Variants in CYB5R4 observed in about 807,000 individuals in gnomAD.
CYB5R4 encodes N-terminal cytochrome b5 and cytochrome b5 oxidoreductase domain-containing protein.
CYB5R4 carries 55 observed loss-of-function variants against 70.2 expected under a neutral mutation model. That is an observed-to-expected ratio of 0.78 (90% CI 0.63 to 0.98). The LOEUF (loss-of-function observed/expected upper bound fraction) is 0.98, where lower values mean the gene tolerates loss of function less well. Among genes scored for constraint, CYB5R4 ranks in the 50% least tolerant of loss-of-function variants. The probability of loss-of-function intolerance (pLI) is 0.00; values close to 1 mark genes in which losing one functional copy is unlikely to be tolerated. For missense variants in CYB5R4, 562 were observed against 612.6 expected, an observed-to-expected ratio of 0.92 and a Z score of 0.87; for synonymous variants, 197 against 199.5, an observed-to-expected ratio of 0.99 and a Z score of 0.11.
At chr6:83,898,813 T>C (rs1054935190) in intron 3 of CYB5R4, among the ~76,000 whole-genome samples, 30 of 152,182 alleles carry the variant, frequency 2.0e-4, no homozygotes, top group African/African-American at 6.8e-4. Flanking sequence ...CACATTGATT[T>C]TGTATCCTGA....
rs1337732440 is a variant in CYB5R4, at chr6:83,859,798, T to C, written c.16T>C (p.Ser6Pro). 4 of 1,613,384 alleles carry C rather than the reference T, an allele frequency of 2.5e-6. No homozygotes were observed. The African/African-American group carries it at 5.3e-5, about 22-fold the overall frequency. MLNVP[S>P]QSFPAPRSQQ... ...GGGTTTGAAGATGCTGAACGTCCCT[T>C]CCCAGTCTTTCCCGGCCCCCAGGTC... Residue 6 changes from serine to proline, a missense_variant, in exon 1 of 16, where the codon TCC becomes CCC. Ser to Pro is a moderately conservative substitution (Grantham distance 74). Coordinates refer to ENST00000369681, the MANE Select transcript of CYB5R4 (RefSeq NM_016230.4).
At position 83,864,257 on chromosome 6, in the gene CYB5R4, G is replaced by C. The variant is rs373989101; in HGVS notation, c.158G>C (p.Arg53Thr). 4.3e-6 allele frequency: 7 copies of C among 1,613,218 alleles called. No homozygotes were observed. In the African/African-American group the frequency reaches 8.0e-5, roughly 18 times the overall value. ...AAGGATCTAACGGGATTAAAAGGCA[G>C]GTTAATTGAAGTAACTGAAGAAGAA... ...SGKDLTGLKG[R>T]LIEVTEEELK... is the part of the protein sequence containing the mutation. Residue 53 changes from arginine (R) to threonine (T), a missense_variant, in exon 2 of 16, where the codon AGG becomes ACG. By Grantham distance (71) the Arg-to-Thr change is moderately conservative (BLOSUM62 -1). Transcript: ENST00000369681.
intron 15 of CYB5R4, among the ~76,000 whole-genome samples, chr6:83,959,201 A>T (rs2099472913): frequency 6.6e-6 from 1 of 152,190 alleles, no homozygotes; most frequent in African/African-American, 2.4e-5. Context: ...TAATGAACTA[A>T]TGGATCTATA....
At position 83,960,893 on chromosome 6, in the gene CYB5R4, G is replaced by A. The variant is rs1051005617; in HGVS notation, c.*1015G>A. ...TTTCACAGATTCAGATCAGCAAAGG[G>A]TATCAAGGATAGTCATTGTGAGCTT... On this transcript the variant is annotated 3_prime_UTR_variant, in exon 16 of 16. Coordinates refer to ENST00000369681, the MANE Select transcript of CYB5R4 (RefSeq NM_016230.4). 2 of 152,198 alleles carry A rather than the reference G, an allele frequency of 1.3e-5. No individual in the cohort carries two copies. The highest frequency in any genetic ancestry group is 4.8e-5 in the African/African-American group (2 of 41,456). 9.4% of individuals were successfully genotyped at this position (152,198 alleles called of 1,614,324 possible).
chr6:83,863,247 G>A (rs1160655279), intron 1 of CYB5R4, among the ~76,000 whole-genome samples: 2 of 152,154 alleles, frequency 1.3e-5, no homozygotes, highest in African/African-American at 2.4e-5. Context: ...TGGTGTTTTC[G>A]GCTTTGAGAG....
intron 2 of CYB5R4, among the ~76,000 whole-genome samples, chr6:83,889,262 T>A (rs1008333427): frequency 6.6e-6 from 1 of 152,200 alleles, no homozygotes; most frequent in Non-Finnish European, 1.5e-5. Flanking sequence ...TAAATAGTCT[T>A]CTATTGGCTA....
intron 5 of CYB5R4, among the ~76,000 whole-genome samples, chr6:83,916,204 T>C (rs2129139158): frequency 6.6e-6 from 1 of 152,276 alleles, no homozygotes; most frequent in East Asian, 1.9e-4. Flanking sequence ...TTGCTATTAA[T>C]AGTTCCAATT....
intron 2 of CYB5R4, among the ~76,000 whole-genome samples, chr6:83,892,477 G>C (rs2099461253): frequency 6.6e-6 from 1 of 152,154 alleles, no homozygotes; most frequent in Non-Finnish European, 1.5e-5. Flanking sequence ...TTTAGGGCTA[G>C]ATTTGTCTGG....
At chr6:83,930,653 C>T (rs181716959) in intron 10 of CYB5R4, among the ~76,000 whole-genome samples, 116 of 152,234 alleles carry the variant, frequency 7.6e-4, no homozygotes, top group African/African-American at 2.7e-3. Context: ...TCTGTGAGAA[C>T]TGGAATCACC....
chr6:83,951,511 A>G (rs942266096), intron 14 of CYB5R4, among the ~76,000 whole-genome samples: 2 of 151,906 alleles, frequency 1.3e-5, no homozygotes, highest in Non-Finnish European at 2.9e-5. Context: ...TTCAACTCCC[A>G]CTTATGAGTG....
intron 12 of CYB5R4, among the ~76,000 whole-genome samples, chr6:83,938,109 A>G (rs1412505117): frequency 6.6e-6 from 1 of 152,238 alleles, no homozygotes; most frequent in Admixed American, 6.5e-5. Context: ...AGATATGATT[A>G]GTCATCCTTG....
In CYB5R4 at chr6:83,964,767, A is replaced by T. The variant is rs1157441869; in HGVS notation, c.*4889A>T. On this transcript the variant is annotated 3_prime_UTR_variant, in exon 16 of 16. Coordinates refer to ENST00000369681, the MANE Select transcript of CYB5R4 (RefSeq NM_016230.4). ...TCTATCACAGACCTGGAGGTCTAGG[A>T]AGAAAAAATGGTAAAAATGGTTTTG... 1 of 152,176 alleles carries T rather than the reference A, an allele frequency of 6.6e-6. No homozygotes were observed. The highest frequency in any genetic ancestry group is 6.5e-5 in the Admixed American group (1 of 15,278). The allele number at this position is 152,176 out of a possible 1,614,324, so 9.4% of individuals were successfully genotyped here.
chr6:83,896,395 T>A (rs1002656131), intron 3 of CYB5R4, among the ~76,000 whole-genome samples: 2 of 152,180 alleles, frequency 1.3e-5, no homozygotes, highest in African/African-American at 4.8e-5. Context: ...AAAGAATATA[T>A]CAGGGTAAAT....
At chr6:83,928,028 AG>A (rs1252235531) in intron 10 of CYB5R4, among the ~76,000 whole-genome samples, 3 of 152,222 alleles carry the variant, frequency 2.0e-5, no homozygotes, top group African/African-American at 7.2e-5. Flanking sequence ...AGAAAGTTTT[AG>A]GAGCTCAATG....
chr6:83,919,736 G>A (rs1426281576), intron 7 of CYB5R4, among the ~76,000 whole-genome samples: 4 of 150,904 alleles, frequency 2.7e-5, no homozygotes, highest in African/African-American at 9.8e-5. Context: ...AAAAATCAGA[G>A]TAGGAAGTAT....
intron 3 of CYB5R4, among the ~76,000 whole-genome samples, chr6:83,905,035 G>C (rs777237849): frequency 1.4e-5 from 2 of 147,422 alleles, no homozygotes; most frequent in African/African-American, 2.5e-5. Flanking sequence ...TTTTTTTTTT[G>C]TATGTTTGTT....
At chr6:83,904,079 A>G (rs1239178324) in intron 3 of CYB5R4, among the ~76,000 whole-genome samples, 4 of 151,806 alleles carry the variant, frequency 2.6e-5, no homozygotes, top group Non-Finnish European at 5.9e-5. Flanking sequence ...TCTTCTCCTA[A>G]TATTGCCTTT....
chr6:83,895,217 G>GA (rs1341817816), intron 3 of CYB5R4, among the ~76,000 whole-genome samples: 2 of 152,184 alleles, frequency 1.3e-5, no homozygotes, highest in African/African-American at 4.8e-5. Context: ...CCAGGCTGGA[G>GA]TGCAGTGGTG....
chr6:83,869,755 A>T (rs1482847914), intron 2 of CYB5R4, among the ~76,000 whole-genome samples: 11 of 151,566 alleles, frequency 7.3e-5, no homozygotes, highest in African/African-American at 2.7e-4. Context: ...CCCGGGAGTC[A>T]GAGGTTCCAG....
Sources: gnomAD v4.1 joint callset for allele counts (sites outside exome capture counted in the v4.1 genomes callset) on GRCh38, gnomAD v4.1.1 for gene constraint, MANE v1.5 for transcripts, NCBI Gene and HGNC (gene_info 2026-07-23, HGNC 2026-07-21) for gene names.